KIF1A: variants seen among roughly 807,000 people sequenced by gnomAD.
KIF1A encodes the protein kinesin family member 1A.
Under a neutral mutation model 227.3 loss-of-function variants are expected in KIF1A, and 46 were observed. The ratio of observed to expected loss-of-function variants is 0.20; its 90% CI spans 0.16 to 0.26. KIF1A has a LOEUF of 0.26. Ranked by LOEUF, KIF1A falls within the 10% of genes least tolerant of loss-of-function variation. KIF1A has a pLI of 1.00. For synonymous variants in KIF1A, 1,022 were observed against 1,012.8 expected, an observed-to-expected ratio of 1.01 and a Z score of -0.17; for missense variants, 1,683 against 2,485.9, an observed-to-expected ratio of 0.68 and a Z score of 6.87.
At chr2:240,821,329 G>T (rs1336186689), upstream of KIF1A, among the ~76,000 whole-genome samples, 1 of 152,246 alleles carries the variant, frequency 6.6e-6, no homozygotes, top group Non-Finnish European at 1.5e-5. Context: ...TCCTGGGAGA[G>T]CCGGCTTCAC....
intron 1 of KIF1A, among the ~76,000 whole-genome samples, chr2:240,813,167 G>T (rs1213306313): frequency 6.6e-6 from 1 of 152,274 alleles, no homozygotes. Flanking sequence ...AAAAACCACA[G>T]CAGGTTTTTC....
At position 240,775,022 on chromosome 2, in the gene KIF1A, C is replaced by A. The variant is rs1368967221; in HGVS notation, c.959-761G>T. Among the ~76,000 whole-genome samples the A allele has an allele frequency of 6.6e-6, 1 of 152,192 alleles. No homozygotes were observed. The highest frequency in any genetic ancestry group is 1.5e-5 in the Non-Finnish European group (1 of 68,024). On this transcript the variant is annotated intron_variant, in intron 11 of 48. Transcript: ENST00000498729. This position sits in a 1 kb window ranked among gnomAD's most constrained non-coding sequence, Gnocchi z 5.5. ...AAGCCTCTGTGGGAGGACTCCCCTG[C>A]CCCCGCCCTGGGACTGAACCTGGGT...
chr2:240,793,767 C>T lies in KIF1A; in HGVS notation c.106+3880G>A, dbSNP rs145194809. On this transcript the variant is annotated intron_variant, in intron 2 of 48. Coordinates refer to ENST00000498729, the MANE Select transcript of KIF1A (RefSeq NM_001244008.2). The surrounding 1 kb of genome is among the most constrained non-coding windows in gnomAD (Gnocchi z 4.8). The stretch of plus-strand genomic sequence containing the variant: ...TACTTTCAAATGCTTCCAATTTCTG[C>T]GTCACAGCGGAGCTACAAGGCACGC... Among the ~76,000 whole-genome samples, 330 of 152,312 alleles carry T rather than the reference C, an allele frequency of 2.2e-3. No homozygotes were observed. Among genetic ancestry groups the T allele is most frequent in the African/African-American group, 7.2e-3 (300 of 41,570 alleles).
chr2:240,723,928 T>A (rs372945936), intron 41 of KIF1A, 47 bp downstream of exon 41: 17 of 1,523,252 alleles, frequency 1.1e-5, no homozygotes, highest in Middle Eastern at 3.5e-4. Context: ...TGGGCAGAGG[T>A]TGAGCAGGCC....
chr2:240,732,268 GAT>G (rs2046780128), intron 38 of KIF1A, among the ~76,000 whole-genome samples: 1 of 112,630 alleles, frequency 8.9e-6, no homozygotes, highest in African/African-American at 4.0e-5. Flanking sequence ...GGGGAGGAGG[GAT>G]GAAGGGAGAA....
At chr2:240,717,932 CA>C in intron 48 of KIF1A, 117 bp downstream of exon 48, 2 of 731,316 alleles carry the variant, frequency 2.7e-6, no homozygotes, top group Non-Finnish European at 4.8e-6. Context: ...GGATTGAGGG[CA>C]GGACCCCTGG....
At chr2:240,779,253 C>T (rs1050019059) in intron 10 of KIF1A, among the ~76,000 whole-genome samples, 4 of 140,996 alleles carry the variant, frequency 2.8e-5, no homozygotes, top group Admixed American at 2.7e-4. Flanking sequence ...CACTCAGTTC[C>T]ACACTCAGTT....
chr2:240,724,199 T>C, intron 40 of KIF1A, 163 bp from the exon 41 acceptor site: 1 of 673,136 alleles, frequency 1.5e-6, no homozygotes, highest in Non-Finnish European at 2.7e-6. Flanking sequence ...AGAGTCCTCA[T>C]CCCAGACTCC....
chr2:240,737,065 G>GTCA lies in KIF1A; in HGVS notation c.4002_4004dup (p.Asp1335dup). ...TCTCCAGGGAGTCTCCGACTCACCG[G>GTCA]TCATCTTGGGCTGGGTGGATGTATC... On this transcript the variant is annotated inframe_insertion, in exon 38 of 49. Transcript: ENST00000498729. 1 of 1,610,922 alleles carries GTCA rather than the reference G, an allele frequency of 6.2e-7. No individual in the cohort carries two copies. Among genetic ancestry groups the GTCA allele is most frequent in the Non-Finnish European group, 8.5e-7 (1 of 1,177,220 alleles).
chr2:240,731,320 G>A (rs974681268), intron 38 of KIF1A, among the ~76,000 whole-genome samples: 11 of 152,286 alleles, frequency 7.2e-5, no homozygotes, highest in Admixed American at 2.0e-4. Context: ...GGGTGGGGGC[G>A]CAGCTGGAGA....
chr2:240,760,107 C>G (rs1233169934), intron 25 of KIF1A, among the ~76,000 whole-genome samples: 1 of 152,240 alleles, frequency 6.6e-6, no homozygotes, highest in African/African-American at 2.4e-5. Context: ...AGGACACCAG[C>G]TCACGTTGGG....
rs1370951378 is a variant in KIF1A, at chr2:240,778,574, C to A, written c.883-2648G>T. Among the ~76,000 whole-genome samples the A allele has an allele frequency of 6.8e-6, 1 of 148,004 alleles. No homozygotes were observed. Among genetic ancestry groups the A allele is most frequent in the Non-Finnish European group, 1.5e-5 (1 of 67,104 alleles). On this transcript the variant is annotated intron_variant, in intron 10 of 48. Coordinates refer to ENST00000498729, the MANE Select transcript of KIF1A (RefSeq NM_001244008.2). The surrounding 1 kb of genome is among the most constrained non-coding windows in gnomAD (Gnocchi z 7.2). ...TCTCAGTGTCCCACGGGCCTCACAG[C>A]AGCCACGCAGCTCCCGAAAACCCCT...
chr2:240,759,985 T>C (rs115852370), intron 25 of KIF1A, among the ~76,000 whole-genome samples: 2,005 of 150,544 alleles, frequency 0.013, 46 homozygotes, highest in African/African-American at 0.047. Context: ...CACTGCACTC[T>C]AGCCTGAGCA....
Position 240,721,905 on chromosome 2 carries a change from T to C in KIF1A, c.4666-21A>G, listed in dbSNP as rs752752782. On this transcript the variant is annotated intron_variant, in intron 43 of 48. Transcript: ENST00000498729. ...AAGCACTGTGGACAGAGCACACGCG[T>C]GGTCAGGGGCCAGGCCTCCCGGGAC... 3.8e-6 allele frequency: 6 copies of C among 1,590,640 alleles called. No homozygotes were observed. In the Admixed American group the frequency reaches 8.6e-5, roughly 23 times the overall value.
At chr2:240,744,762 C>G in intron 32 of KIF1A, among the ~76,000 whole-genome samples, 1 of 152,202 alleles carries the variant, frequency 6.6e-6, no homozygotes, top group East Asian at 1.9e-4. Flanking sequence ...TTAGATGCCC[C>G]CACCTGTGGT....
At chr2:240,723,863 T>C (rs1654554805) in intron 41 of KIF1A, 112 bp downstream of exon 41, 1 of 950,488 alleles carries the variant, frequency 1.1e-6, no homozygotes, top group African/African-American at 1.6e-5. Context: ...GGTGAGTGCT[T>C]GGGTTCTGTG....
intron 28 of KIF1A, among the ~76,000 whole-genome samples, chr2:240,748,315 A>G (rs1409404766): frequency 4.6e-5 from 7 of 152,100 alleles, no homozygotes; most frequent in Admixed American, 1.3e-4. Flanking sequence ...AGAGCTTTGC[A>G]CTGAGCTTGA....
chr2:240,726,674 T>A lies in KIF1A; in HGVS notation c.4122+152A>T, dbSNP rs1010327387. On this transcript the variant is annotated intron_variant, in intron 39 of 48. Transcript: ENST00000498729. The surrounding 1 kb of genome is among the most constrained non-coding windows in gnomAD (Gnocchi z 5.2). ...ATTCAACCTTGCAGTCCAGTTTTTG[T>A]TTTTGTTTTTTAAAAGGCACACAAA... 2.0e-5 allele frequency among the ~76,000 whole-genome samples: 3 copies of A among 152,022 alleles called. No homozygotes were observed. The highest frequency in any genetic ancestry group is 4.4e-5 in the Non-Finnish European group (3 of 67,996).
intron 10 of KIF1A, among the ~76,000 whole-genome samples, chr2:240,779,895 C>T: frequency 6.6e-6 from 1 of 152,122 alleles, no homozygotes; most frequent in East Asian, 1.9e-4. Flanking sequence ...TCCCATGTTT[C>T]CCCCCAGGCC....
Sources: allele counts gnomAD v4.1 joint callset (sites outside exome capture counted in the v4.1 genomes callset), GRCh38; gene constraint gnomAD v4.1.1; non-coding constraint Gnocchi (gnomAD v3.1); transcripts MANE v1.5; gene names NCBI Gene and HGNC (gene_info 2026-07-23, HGNC 2026-07-21).